The following SYMPK variants were observed in gnomAD, a reference collection of about 807,000 sequenced individuals.
The protein encoded by SYMPK is symplekin.
A neutral mutation model predicts 136.4 loss-of-function variants in SYMPK; 49 were observed. The ratio of observed to expected loss-of-function variants is 0.36; its 90% CI spans 0.29 to 0.46. SYMPK has a LOEUF of 0.46. SYMPK is among the 20% of genes least tolerant of loss of function. The pLI is 1.00. For missense variants in SYMPK, 1,365 were observed against 1,690.0 expected, an observed-to-expected ratio of 0.81 and a Z score of 3.37; for synonymous variants, 766 against 713.0, an observed-to-expected ratio of 1.07 and a Z score of -1.19.
At chr19:45,837,549 G>C (rs544921180) in intron 10 of SYMPK, among the ~76,000 whole-genome samples, 1 of 148,748 alleles carries the variant, frequency 6.7e-6, no homozygotes, top group Non-Finnish European at 1.5e-5. Context: ...CCCGGGAGGC[G>C]GAGATTACAG....
rs778350604 is a variant in SYMPK at position 45,826,295 on chromosome 19, G to A, written c.2260C>T (p.Leu754Phe). ...TGCACCAGGAGCTGCAGGTAGTTGA[G>A]GGCAAATTTCTCCACATACTCCCGC... ...QLREYVEKFA[L>F]NYLQLLVHPN... Residue 754 changes from leucine (L) to phenylalanine (F), a missense_variant, in exon 17 of 27, where the codon CTC becomes TTC. Leu to Phe is a conservative substitution (Grantham distance 22). Transcript: ENST00000245934. 2 of 1,613,976 alleles carry A rather than the reference G, an allele frequency of 1.2e-6. No individual in the cohort carries two copies. The highest frequency in any genetic ancestry group is 1.1e-5 in the South Asian group (1 of 91,008).
At chr19:45,843,962 AAAAAAAAAG>A (rs1264810336) in intron 8 of SYMPK, 59 bp downstream of exon 8, 4 of 1,056,382 alleles carry the variant, frequency 3.8e-6, no homozygotes, top group South Asian at 5.7e-5. Flanking sequence ...AAAAAAAAAA[AAAAAAAAAG>A]AAAGAGCAGA....
intron 9 of SYMPK, among the ~76,000 whole-genome samples, chr19:45,839,185 A>G (rs544700571): frequency 1.4e-4 from 21 of 152,252 alleles, no homozygotes; most frequent in African/African-American, 4.8e-4. Flanking sequence ...CACCACGCCC[A>G]GCCTGGTGCA....
chr19:45,816,224 G>A, intron 25 of SYMPK, 41 bp from the exon 26 acceptor site: 1 of 1,389,202 alleles, frequency 7.2e-7, no homozygotes, highest in Non-Finnish European at 9.6e-7. Context: ...AGAGGTGGGT[G>A]GCTCAGAGGA....
At chr19:45,852,664 C>T (rs1351090113) in intron 3 of SYMPK, 129 bp from the exon 4 acceptor site, 2 of 1,111,256 alleles carry the variant, frequency 1.8e-6, no homozygotes, top group Non-Finnish European at 2.7e-6. Context: ...CAATGCCTGG[C>T]TCTGCTTCTC....
chr19:45,861,767 G>C (rs139887968), intron 1 of SYMPK: 1 of 149,670 alleles, frequency 6.7e-6, no homozygotes, highest in East Asian at 2.0e-4. Context: ...TACACAGGCC[G>C]AGTTTGGTGG....
rs1340621971 is a variant in SYMPK at position 45,815,831 on chromosome 19, G to A, written c.3687+20C>T. On this transcript the variant is annotated intron_variant, in intron 26 of 26. Transcript: ENST00000245934. ...CCCAGATCCGGCTTCTTCCTTCGCA[G>A]CGGAGGCTGCTCTCCCTACCTTGGG... is the stretch of plus-strand genomic sequence containing the variant. 1 of 1,609,514 alleles carries A rather than the reference G, an allele frequency of 6.2e-7. No individual in the cohort carries two copies. Among genetic ancestry groups the A allele is most frequent in the East Asian group, 2.2e-5 (1 of 44,786 alleles).
chr19:45,836,427 A>G (rs1290452952), intron 10 of SYMPK, among the ~76,000 whole-genome samples: 2 of 151,856 alleles, frequency 1.3e-5, no homozygotes, highest in Non-Finnish European at 2.9e-5. Context: ...TCAGGAGATC[A>G]AGACCATCTT....
At chr19:45,831,340 G>C (rs1441233226) in intron 12 of SYMPK, 44 bp downstream of exon 12, 2 of 1,449,322 alleles carry the variant, frequency 1.4e-6, no homozygotes, top group South Asian at 2.9e-5. Context: ...CAGACCTTCA[G>C]GGTAGGGCTC....
rs58960244 is a variant in SYMPK at position 45,837,616 on chromosome 19, C to CAAA, written c.1242+842_1242+844dup. 7.7e-3 allele frequency among the ~76,000 whole-genome samples: 593 copies of CAAA among 76,810 alleles called. 17 individuals carry two copies. The highest frequency in any genetic ancestry group is 0.018 in the African/African-American group (341 of 18,802). The allele number at this position is 76,810 out of a possible 152,430, so 50.4% of individuals were successfully genotyped here. ...TGGGTAACAAAGCGAGACTCTGCCT[C>CAAA]AAAAAAAAAAAAAAAAAAAAAAGAC... On this transcript the variant is annotated intron_variant, in intron 10 of 26. Transcript: ENST00000245934.
At chr19:45,839,295 C>T (rs1318795291) in intron 9 of SYMPK, among the ~76,000 whole-genome samples, 1 of 152,180 alleles carries the variant, frequency 6.6e-6, no homozygotes, top group Non-Finnish European at 1.5e-5. Flanking sequence ...CTATTCCCCA[C>T]TTAAAGGAAA....
chr19:45,854,702 T>G (rs546465694), intron 1 of SYMPK, 195 bp from the exon 2 acceptor site: 7 of 561,386 alleles, frequency 1.2e-5, no homozygotes, highest in South Asian at 1.2e-4. Flanking sequence ...GGCCTGTAAC[T>G]TGGGGGAGAC....
chr19:45,842,524 A>AC (rs145931067), intron 8 of SYMPK, 35 bp from the exon 9 acceptor site: 247,951 of 1,598,524 alleles, frequency 0.16, 19,828 homozygotes, highest in Admixed American at 0.21. Flanking sequence ...TGTCTTGTGG[A>AC]AGATCTCATG....
intron 18 of SYMPK, 142 bp from the exon 19 acceptor site, chr19:45,824,017 G>A: frequency 2.0e-6 from 1 of 490,848 alleles, no homozygotes; most frequent in Non-Finnish European, 3.8e-6. Flanking sequence ...GGGGAAAGGT[G>A]GGGAAGGGCA....
chr19:45,829,046 C>G lies in SYMPK; in HGVS notation c.1909G>C (p.Gly637Arg), dbSNP rs1463801025. The G allele has an allele frequency of 1.9e-6, 3 of 1,614,060 alleles. No homozygotes were observed. In the Admixed American group the frequency reaches 5.0e-5, roughly 27 times the overall value. ...CAGTCCTCATACTTGTCCAGGGAGC[C>G]CGAGGCACCTGCGGCCAGGTAGGCG... ...YNAYLAAGASGSLDKYEDCLI... is the reference protein window; with the variant it reads ...YNAYLAAGASRSLDKYEDCLI... Residue 637 changes from glycine (G) to arginine (R), a missense_variant, in exon 14 of 27, where the codon GGC (glycine) becomes CGC (arginine). Gly to Arg is a moderately radical substitution (Grantham distance 125, BLOSUM62 -2). This residue lies in a region of SYMPK where 303 missense variants were observed against 326.6 expected (regional missense o/e 0.93). Transcript: ENST00000245934.
chr19:45,854,196 T>G lies in SYMPK; in HGVS notation c.150A>C (p.Ser50=). 1 of 1,614,076 alleles carries G rather than the reference T, an allele frequency of 6.2e-7. No individual in the cohort carries two copies. Residue 50 remains serine (S), a synonymous_variant, in exon 3 of 27, where the codon TCA becomes TCC. Transcript: ENST00000245934. ...TCACCTGTTTGAGCACTGTGATCTTTGAGTCATTGGTGATCAGCGCCGCCT... is the reference window on the plus strand; with the variant it reads ...TCACCTGTTTGAGCACTGTGATCTTGGAGTCATTGGTGATCAGCGCCGCCT... ...LNQAALITND[S]KITVLKQVQE...
chr19:45,833,404 A>G (rs1233742171), intron 11 of SYMPK, among the ~76,000 whole-genome samples: 1 of 152,104 alleles, frequency 6.6e-6, no homozygotes, highest in African/African-American at 2.4e-5. Flanking sequence ...GATCAAGACC[A>G]ACCTGGCTAA....
At chr19:45,845,862 T>C (rs902810040) in intron 7 of SYMPK, among the ~76,000 whole-genome samples, 1 of 152,228 alleles carries the variant, frequency 6.6e-6, no homozygotes. Context: ...TCGCCAGCAT[T>C]TGTTGTCTTT....
chr19:45,821,084 G>T lies in SYMPK; in HGVS notation c.2893+300C>A. On this transcript the variant is annotated intron_variant, in intron 22 of 26. Coordinates refer to ENST00000245934, the MANE Select transcript of SYMPK (RefSeq NM_004819.3). The surrounding 1 kb of genome is among the most constrained non-coding windows in gnomAD (Gnocchi z 4.4). ...CTTCTGTTCCTCGGGGCTAGGGGTG[G>T]GGCTACCCAACTGCTTTAGGCCCAC... The T allele has an allele frequency of 1.5e-6, 1 of 647,290 alleles. No individual in the cohort carries two copies. The allele number at this position is 647,290 out of a possible 1,614,324, so 40.1% of individuals were successfully genotyped here. A position where few individuals can be genotyped will look rare whatever the true frequency, so the allele number is the denominator to read the frequency against.
Sources: allele counts gnomAD v4.1 joint callset (sites outside exome capture counted in the v4.1 genomes callset), GRCh38; gene constraint gnomAD v4.1.1; regional missense constraint gnomAD v4.1.1; non-coding constraint Gnocchi (gnomAD v3.1); transcripts MANE v1.5; gene names NCBI Gene and HGNC (gene_info 2026-07-23, HGNC 2026-07-21).